The following RBFOX1 variants were observed in gnomAD, a reference collection of about 807,000 sequenced individuals.
RBFOX1 encodes the protein RNA binding fox-1 homolog 1.
Under a neutral mutation model 57.7 loss-of-function variants are expected in RBFOX1, and 8 were observed. That is an observed-to-expected ratio of 0.14 (90% CI 0.08 to 0.25). The LOEUF (loss-of-function observed/expected upper bound fraction) is 0.25, where lower values mean the gene tolerates loss of function less well. Ranked by LOEUF, RBFOX1 falls within the 10% of genes least tolerant of loss-of-function variation. RBFOX1 has a pLI of 1.00. For missense variants in RBFOX1, 611 were observed against 548.5 expected (o/e 1.11, Z -1.14); for synonymous variants, 326 against 222.4 (o/e 1.47, Z -4.15).
At chr16:7,363,841 T>C (rs1568426041) in intron 4 of RBFOX1, among the ~76,000 whole-genome samples, 2 of 152,118 alleles carry the variant, frequency 1.3e-5, no homozygotes, top group Non-Finnish European at 2.9e-5. Flanking sequence ...TGATGTTTAT[T>C]ATCTGGGTGG....
At chr16:5,609,461 C>T (rs764810286) in intron 3 of RBFOX1, among the ~76,000 whole-genome samples, 26 of 152,272 alleles carry the variant, frequency 1.7e-4, no homozygotes, top group South Asian at 1.2e-3. Flanking sequence ...GGTCAGCTTC[C>T]AGGCTTTTAT....
Position 6,256,153 on chromosome 16 carries a change from A to ATG in RBFOX1, c.-126-60841_-126-60840insGT, listed in dbSNP as rs2097660443. 4.4e-4 allele frequency among the ~76,000 whole-genome samples: 27 copies of ATG among 62,060 alleles called. 2 individuals are homozygous for ATG. Among genetic ancestry groups the ATG allele is most frequent in the Middle Eastern group, 6.7e-3 (1 of 150 alleles). The allele number at this position is 62,060 out of a possible 152,430, so 40.7% of individuals were successfully genotyped here. ...TATATATATATGTGTGTATATATAT[A>ATG]TATATGTATATATATATGTATATAT... On this transcript the variant is annotated intron_variant, in intron 1 of 15. Coordinates refer to ENST00000550418, the MANE Select transcript of RBFOX1 (RefSeq NM_018723.4).
chr16:6,645,762 C>G (rs77770450), intron 2 of RBFOX1, among the ~76,000 whole-genome samples: 2,312 of 152,262 alleles, frequency 0.015, 38 homozygotes, highest in Non-Finnish European at 0.023. Context: ...CTGACATTTA[C>G]TGATAACTTG....
intron 1 of RBFOX1, among the ~76,000 whole-genome samples, chr16:6,241,371 A>G (rs902933220): frequency 2.0e-5 from 3 of 152,230 alleles, no homozygotes; most frequent in Non-Finnish European, 4.4e-5. Flanking sequence ...TGTTGTGAGC[A>G]TTGAACATCG....
At chr16:6,023,780 C>G (rs1226232449) in intron 1 of RBFOX1, among the ~76,000 whole-genome samples, 1 of 152,184 alleles carries the variant, frequency 6.6e-6, no homozygotes, top group Non-Finnish European at 1.5e-5. Context: ...CACATTTACC[C>G]ACAGTGTCGT....
intron 4 of RBFOX1, among the ~76,000 whole-genome samples, chr16:7,400,264 G>A (rs1011727231): frequency 6.6e-6 from 1 of 152,104 alleles, no homozygotes; most frequent in African/African-American, 2.4e-5. Context: ...CAGAGATTCC[G>A]ATTCTGTAGG....
chr16:7,286,908 C>A (rs1483502335), intron 4 of RBFOX1, among the ~76,000 whole-genome samples: 1 of 152,086 alleles, frequency 6.6e-6, no homozygotes, highest in Non-Finnish European at 1.5e-5. Flanking sequence ...GGATTACAGG[C>A]ATGAGTCACC....
chr16:5,262,367 A>C lies in RBFOX1; in HGVS notation c.219+22262A>C, dbSNP rs969109941. On this transcript the variant is annotated intron_variant, in intron 1 of 2. Transcript: ENST00000585867. ...TGAATAAGGCAGATTGTCCTCCCCA[A>C]TGTGGGTGAGCCTCATCCAATCCAC... 3.9e-5 allele frequency among the ~76,000 whole-genome samples: 6 copies of C among 152,204 alleles called. No individual in the cohort carries two copies. The East Asian group carries it at 1.2e-3, about 29-fold the overall frequency.
intron 4 of RBFOX1, among the ~76,000 whole-genome samples, chr16:7,058,982 G>T (rs986987672): frequency 3.9e-5 from 6 of 152,164 alleles, no homozygotes; most frequent in Non-Finnish European, 8.8e-5. Context: ...TTGTGAAAGA[G>T]GTTGTAGAGC....
At chr16:7,405,421 A>G (rs1163783407) in intron 4 of RBFOX1, among the ~76,000 whole-genome samples, 2 of 152,126 alleles carry the variant, frequency 1.3e-5, no homozygotes, top group Non-Finnish European at 2.9e-5. Context: ...GCCAGAGAAC[A>G]TTGAGCGGAG....
intron 1 of RBFOX1, among the ~76,000 whole-genome samples, chr16:5,323,452 TA>T (rs1429432148): frequency 6.6e-6 from 1 of 152,218 alleles, no homozygotes; most frequent in African/African-American, 2.4e-5. Context: ...TTGCTCATGT[TA>T]ATTACGTGGG....
chr16:7,020,885 G>T (rs72776264), intron 3 of RBFOX1, among the ~76,000 whole-genome samples: 19,065 of 152,164 alleles, frequency 0.13, 1,245 homozygotes, highest in Middle Eastern at 0.17. Flanking sequence ...CCAGAACTTT[G>T]CGATGCTAAG....
chr16:7,073,531 A>C (rs566801140), intron 4 of RBFOX1, among the ~76,000 whole-genome samples: 1 of 152,174 alleles, frequency 6.6e-6, no homozygotes, highest in African/African-American at 2.4e-5. Flanking sequence ...GAAATGTCCA[A>C]TGGTAAATGT....
intron 2 of RBFOX1, among the ~76,000 whole-genome samples, chr16:5,595,807 C>T (rs1596378407): frequency 6.6e-6 from 1 of 152,136 alleles, no homozygotes; most frequent in Non-Finnish European, 1.5e-5. Flanking sequence ...CGGGATTGGG[C>T]ACAGAGCTTG....
chr16:6,855,009 C>A (rs1603632715), intron 3 of RBFOX1, among the ~76,000 whole-genome samples: 1 of 151,582 alleles, frequency 6.6e-6, no homozygotes, highest in Non-Finnish European at 1.5e-5. Context: ...GAGTCAGTGC[C>A]ACCTAAGGAC....
At chr16:5,912,944 G>A (rs2058633583) in intron 4 of RBFOX1, among the ~76,000 whole-genome samples, 1 of 152,160 alleles carries the variant, frequency 6.6e-6, no homozygotes, top group African/African-American at 2.4e-5. Flanking sequence ...CAGCTGACCT[G>A]GTGGGGTGGC....
intron 14 of RBFOX1, among the ~76,000 whole-genome samples, chr16:7,698,362 G>T (rs1363441662): frequency 1.3e-5 from 2 of 152,038 alleles, no homozygotes; most frequent in Admixed American, 1.3e-4. Context: ...ACCATGTGGG[G>T]TGAGGGTAGG....
At chr16:7,165,416 A>AATAATAATAATGATTATT (rs1364318668) in intron 4 of RBFOX1, among the ~76,000 whole-genome samples, 2 of 147,920 alleles carry the variant, frequency 1.4e-5, no homozygotes, top group East Asian at 4.0e-4. Context: ...TAATGATAAT[A>AATAATAATAATGATTATT]ATCATTATTA....
intron 3 of RBFOX1, chr16:6,705,297 G>A (rs950123577): frequency 6.6e-6 from 1 of 150,836 alleles, no homozygotes; most frequent in Non-Finnish European, 1.5e-5. Context: ...CACTGTTTGA[G>A]TGGGAGGTTA....
Sources: allele counts gnomAD v4.1 joint callset (sites outside exome capture counted in the v4.1 genomes callset), GRCh38; gene constraint gnomAD v4.1.1; transcripts MANE v1.5; gene names NCBI Gene and HGNC (gene_info 2026-07-23, HGNC 2026-07-21).